TMEM163: variants seen among roughly 807,000 people sequenced by gnomAD.
TMEM163 encodes the protein transmembrane protein 163.
In TMEM163, 17 loss-of-function variants were observed where a neutral mutation model predicts 29.3. The ratio of observed to expected loss-of-function variants is 0.58; its 90% confidence interval spans 0.40 to 0.87. The LOEUF (loss-of-function observed/expected upper bound fraction) is 0.87, where lower values mean the gene tolerates loss of function less well. TMEM163 is among the 40% of genes least tolerant of loss of function. The probability of loss-of-function intolerance (pLI) is 0.00; values close to 1 mark genes in which losing one functional copy is unlikely to be tolerated. For synonymous variants in TMEM163, 157 were observed against 160.6 expected (o/e 0.98, Z 0.17); for missense variants, 303 against 381.5 (o/e 0.79, Z 1.71).
At chr2:134,549,648 G>T (rs566961548) in intron 4 of TMEM163, among the ~76,000 whole-genome samples, 33 of 152,222 alleles carry the variant, frequency 2.2e-4, no homozygotes, top group African/African-American at 7.5e-4. Flanking sequence ...CCAGCCTCAA[G>T]AGTACTTTCC....
intron 4 of TMEM163, among the ~76,000 whole-genome samples, chr2:134,546,900 C>T (rs557955845): frequency 6.6e-6 from 1 of 152,068 alleles, no homozygotes; most frequent in South Asian, 2.1e-4. Context: ...ATGGAGGATC[C>T]TTGAGGACAT....
intron 2 of TMEM163, among the ~76,000 whole-genome samples, chr2:134,711,575 T>A (rs1167902360): frequency 6.6e-6 from 1 of 152,242 alleles, no homozygotes; most frequent in Non-Finnish European, 1.5e-5. Context: ...GAAGCCCTTT[T>A]CACAAAGCAA....
chr2:134,660,133 TG>T (rs1683715757), intron 2 of TMEM163, among the ~76,000 whole-genome samples: 1 of 151,472 alleles, frequency 6.6e-6, no homozygotes, highest in South Asian at 2.1e-4. Flanking sequence ...TCCTATGAGG[TG>T]GGGAGGTAGG....
chr2:134,712,847 G>A (rs576228752), intron 2 of TMEM163, among the ~76,000 whole-genome samples: 2 of 152,182 alleles, frequency 1.3e-5, no homozygotes, highest in East Asian at 3.9e-4. Context: ...TCTTGCATTA[G>A]GCTGAAAATA....
intron 2 of TMEM163, among the ~76,000 whole-genome samples, chr2:134,606,886 G>T (rs1682382115): frequency 6.6e-6 from 1 of 152,242 alleles, no homozygotes; most frequent in Admixed American, 6.5e-5. Context: ...AGTAGCAACA[G>T]GCTCGGGTGT....
intron 7 of TMEM163, among the ~76,000 whole-genome samples, chr2:134,457,411 C>T (rs555223827): frequency 7.2e-5 from 11 of 152,332 alleles, no homozygotes; most frequent in African/African-American, 1.7e-4. Flanking sequence ...TCCTCACTGA[C>T]GCTGGCAGTT....
chr2:134,495,171 G>A (rs1207661531), intron 5 of TMEM163, among the ~76,000 whole-genome samples: 3 of 152,214 alleles, frequency 2.0e-5, no homozygotes, highest in African/African-American at 4.8e-5. Flanking sequence ...CAGGGAAGGG[G>A]CTGGAAGTCA....
At chr2:134,558,681 G>A (rs1681100157) in intron 2 of TMEM163, among the ~76,000 whole-genome samples, 1 of 152,182 alleles carries the variant, frequency 6.6e-6, no homozygotes, top group South Asian at 2.1e-4. Flanking sequence ...GAGGATCAGT[G>A]CAGACAGCCC....
At chr2:134,596,139 G>T (rs1347640796) in intron 2 of TMEM163, among the ~76,000 whole-genome samples, 2 of 152,120 alleles carry the variant, frequency 1.3e-5, no homozygotes. Flanking sequence ...TGTCAATTTT[G>T]GCTTTTGTTG....
chr2:134,590,404 T>C (rs538560881), intron 2 of TMEM163, among the ~76,000 whole-genome samples: 97 of 152,292 alleles, frequency 6.4e-4, no homozygotes, highest in African/African-American at 2.3e-3. Flanking sequence ...TCTGAGCTAC[T>C]GTGGCTGCCC....
chr2:134,578,711 T>A (rs765722327), intron 2 of TMEM163, among the ~76,000 whole-genome samples: 20 of 152,172 alleles, frequency 1.3e-4, no homozygotes, highest in Non-Finnish European at 2.6e-4. Flanking sequence ...GCAATTCAGA[T>A]CATGTAAAAT....
At chr2:134,599,580 T>C (rs1682176709) in intron 2 of TMEM163, among the ~76,000 whole-genome samples, 1 of 152,158 alleles carries the variant, frequency 6.6e-6, no homozygotes, top group Non-Finnish European at 1.5e-5. Context: ...AACAAAGTTC[T>C]GTTGTTTCTA....
chr2:134,590,502 G>T, intron 2 of TMEM163, among the ~76,000 whole-genome samples: 1 of 152,168 alleles, frequency 6.6e-6, no homozygotes, highest in East Asian at 1.9e-4. Flanking sequence ...GATGTTACCA[G>T]AAAGGGGGTC....
At chr2:134,473,733 T>G (rs1375885131) in intron 5 of TMEM163, among the ~76,000 whole-genome samples, 3 of 152,142 alleles carry the variant, frequency 2.0e-5, no homozygotes, top group African/African-American at 7.2e-5. Context: ...CAGGATCTAT[T>G]AAGAAGATAA....
intron 4 of TMEM163, among the ~76,000 whole-genome samples, chr2:134,528,496 AT>A (rs1312106869): frequency 6.6e-6 from 1 of 152,232 alleles, no homozygotes; most frequent in Admixed American, 6.5e-5. Flanking sequence ...TAACATTGTT[AT>A]GAATGAGATA....
intron 2 of TMEM163, among the ~76,000 whole-genome samples, chr2:134,580,951 G>T (rs1574254445): frequency 6.6e-6 from 1 of 152,284 alleles, no homozygotes; most frequent in Admixed American, 6.5e-5. Context: ...AGATGTGGAT[G>T]GTGGTTCTGG....
At chr2:134,603,079 CCTT>C (rs1431002971) in intron 2 of TMEM163, among the ~76,000 whole-genome samples, 2 of 152,154 alleles carry the variant, frequency 1.3e-5, no homozygotes, top group Non-Finnish European at 2.9e-5. Flanking sequence ...ATAACATCAT[CCTT>C]CTAGCCACCT....
intron 4 of TMEM163, among the ~76,000 whole-genome samples, chr2:134,524,100 G>A (rs1359743189): frequency 1.3e-5 from 2 of 152,144 alleles, no homozygotes; most frequent in African/African-American, 4.8e-5. Flanking sequence ...CATAACCCAG[G>A]ATCTCAGAAT....
chr2:134,709,196 T>A (rs1684876736), intron 2 of TMEM163, among the ~76,000 whole-genome samples: 1 of 152,202 alleles, frequency 6.6e-6, no homozygotes, highest in African/African-American at 2.4e-5. Context: ...CCACATTTGT[T>A]CATAACAGGA....
Sources: gnomAD v4.1 joint callset for allele counts (sites outside exome capture counted in the v4.1 genomes callset) on GRCh38, gnomAD v4.1.1 for gene constraint, MANE v1.5 for transcripts, NCBI Gene and HGNC (gene_info 2026-07-23, HGNC 2026-07-21) for gene names.